ESRRG: variants seen among roughly 807,000 people sequenced by gnomAD.
The protein encoded by ESRRG is estrogen-related receptor gamma.
In ESRRG, 13 loss-of-function variants were observed where a neutral mutation model predicts 44.0. The observed-to-expected ratio is 0.30, with a 90% CI of 0.19 to 0.47. The LOEUF is 0.47. Among genes scored for constraint, ESRRG ranks in the 20% least tolerant of loss-of-function variants. ESRRG has a pLI of 1.00. For missense variants in ESRRG, 395 were observed against 580.6 expected, an observed-to-expected ratio of 0.68 and a Z score of 3.29; for synonymous variants, 215 against 214.6, an observed-to-expected ratio of 1.00 and a Z score of -0.02.
intron 5 of ESRRG, among the ~76,000 whole-genome samples, chr1:216,534,691 G>A (rs2050401113): frequency 6.6e-6 from 1 of 152,058 alleles, no homozygotes; most frequent in South Asian, 2.1e-4. Flanking sequence ...TATCTCTTTT[G>A]GTGAATTAAG....
chr1:216,608,640 C>A (rs999873818), intron 3 of ESRRG, among the ~76,000 whole-genome samples: 3 of 152,160 alleles, frequency 2.0e-5, no homozygotes, highest in African/African-American at 4.8e-5. Context: ...GCCAGTGTTC[C>A]ATTTTTGGCT....
At chr1:216,842,169 A>C (rs1453106612) in intron 2 of ESRRG, among the ~76,000 whole-genome samples, 1 of 152,216 alleles carries the variant, frequency 6.6e-6, no homozygotes, top group South Asian at 2.1e-4. Context: ...TCTTACTCTT[A>C]GGAAATCTTT....
intron 5 of ESRRG, among the ~76,000 whole-genome samples, chr1:216,533,889 C>G (rs1317129082): frequency 6.6e-6 from 1 of 152,026 alleles, no homozygotes; most frequent in Admixed American, 6.6e-5. Context: ...GTAATAAAGG[C>G]CATGTAATTA....
intron 3 of ESRRG, among the ~76,000 whole-genome samples, chr1:216,646,179 T>C (rs2067544295): frequency 6.6e-6 from 1 of 152,104 alleles, no homozygotes; most frequent in African/African-American, 2.4e-5. Flanking sequence ...CTGTTGTCTC[T>C]CTTCATTTGA....
At chr1:216,734,282 C>A (rs2089452916) in intron 2 of ESRRG, among the ~76,000 whole-genome samples, 1 of 152,138 alleles carries the variant, frequency 6.6e-6, no homozygotes, top group African/African-American at 2.4e-5. Context: ...AATGTTCACA[C>A]TCATTGATAT....
intron 1 of ESRRG, among the ~76,000 whole-genome samples, chr1:216,980,910 TC>T (rs143485962): frequency 0.34 from 52,245 of 151,744 alleles, 10,602 homozygotes; most frequent in Non-Finnish European, 0.47. Flanking sequence ...TTTCATATGC[TC>T]TTCTCTCATC....
chr1:216,547,163 A>G (rs1486065645), intron 5 of ESRRG, among the ~76,000 whole-genome samples: 1 of 152,024 alleles, frequency 6.6e-6, no homozygotes, highest in African/African-American at 2.4e-5. Context: ...TAGGTTTAAG[A>G]TTAATTGAGA....
chr1:216,519,419 A>G lies in ESRRG; in HGVS notation c.865T>C (p.Phe289Leu). ...IIGWAKHIPG[F>L]STLSLADQMS... is the part of the protein sequence containing the mutation. The stretch of plus-strand genomic sequence containing the variant: ...TGGTCCGCCAGGGACAGCGTGGAGA[A>G]GCCTGCATGGAAAGATGGGCAGATC... Residue 289 changes from phenylalanine to leucine, a missense_variant and splice_region_variant, in exon 6 of 7, where the codon TTC becomes CTC. By Grantham distance (22) the Phe-to-Leu change is conservative. This residue lies in a region of ESRRG where 167 missense variants were observed against 251.8 expected (regional missense o/e 0.66). Transcript: ENST00000408911. 1 of 1,602,348 alleles carries G rather than the reference A, an allele frequency of 6.2e-7. No homozygotes were observed. The highest frequency in any genetic ancestry group is 8.5e-7 in the Non-Finnish European group (1 of 1,177,878).
chr1:217,033,207 A>T (rs570202834), intron 1 of ESRRG, among the ~76,000 whole-genome samples: 1 of 152,202 alleles, frequency 6.6e-6, no homozygotes, highest in Non-Finnish European at 1.5e-5. Flanking sequence ...AAAGACAAAA[A>T]GTTCTGCTGT....
At chr1:216,680,594 T>G (rs1442701594) in intron 1 of ESRRG, among the ~76,000 whole-genome samples, 1 of 152,238 alleles carries the variant, frequency 6.6e-6, no homozygotes, top group African/African-American at 2.4e-5. Flanking sequence ...TCTGCCCTAC[T>G]GCATCACCCA....
At position 216,796,884 on chromosome 1, in the gene ESRRG, T is replaced by A. The variant is rs190197344; in HGVS notation, c.-13-119393A>T. Reference sequence around the variant, plus strand: ...AAAAATAAACTTCCTTTATTTAATTTATTTATTTATTTATTTTGTCTTTTT... The same window carrying A: ...AAAAATAAACTTCCTTTATTTAATTAATTTATTTATTTATTTTGTCTTTTT... On this transcript the variant is annotated intron_variant, in intron 2 of 7. Coordinates refer to the ESRRG transcript ENST00000359162. Among the ~76,000 whole-genome samples the A allele has an allele frequency of 4.1e-3, 624 of 152,244 alleles. 1 individual carries two copies. The highest frequency in any genetic ancestry group is 0.011 in the African/African-American group (473 of 41,564).
chr1:217,012,551 GCA>G (rs1420289445), intron 1 of ESRRG, among the ~76,000 whole-genome samples: 1 of 152,136 alleles, frequency 6.6e-6, no homozygotes, highest in African/African-American at 2.4e-5. Flanking sequence ...ACTGACACTG[GCA>G]ATTTAGAAAA....
intron 1 of ESRRG, among the ~76,000 whole-genome samples, chr1:217,026,908 C>CAGAGTGAGAG (rs1254896528): frequency 1.1e-5 from 1 of 90,766 alleles, no homozygotes; most frequent in African/African-American, 4.1e-5. Flanking sequence ...CACACACACA[C>CAGAGTGAGAG]ACACAGAGAG....
At chr1:216,721,708 G>A (rs182792997) in intron 1 of ESRRG, among the ~76,000 whole-genome samples, 23 of 152,294 alleles carry the variant, frequency 1.5e-4, no homozygotes, top group African/African-American at 5.1e-4. Context: ...ACAAGAGAAA[G>A]TTCAGAATCT....
At chr1:217,019,427 G>A (rs2079951888) in intron 1 of ESRRG, among the ~76,000 whole-genome samples, 2 of 152,234 alleles carry the variant, frequency 1.3e-5, no homozygotes, top group African/African-American at 4.8e-5. Context: ...TGCTCTACAT[G>A]CCAATGTCTG....
At chr1:217,099,444 A>C (rs2092474198) in intron 1 of ESRRG, among the ~76,000 whole-genome samples, 1 of 152,202 alleles carries the variant, frequency 6.6e-6, no homozygotes, top group Non-Finnish European at 1.5e-5. Context: ...TTTTCTATGT[A>C]ATTATTGTGG....
In ESRRG at chr1:216,754,337, G is replaced by A. The variant is rs534451350; in HGVS notation, c.-13-76846C>T. 1.1e-3 allele frequency among the ~76,000 whole-genome samples: 173 copies of A among 152,106 alleles called. 1 individual carries two copies. Among genetic ancestry groups the A allele is most frequent in the African/African-American group, 4.0e-3 (168 of 41,534 alleles). ...TGTCTCAGGATTAACTTTTACAAAA[G>A]AACAGAAGTATCTCGAACTTTCACT... On this transcript the variant is annotated intron_variant, in intron 2 of 7. Transcript: ENST00000359162.
chr1:216,942,729 T>G (rs1458919601), intron 1 of ESRRG, among the ~76,000 whole-genome samples: 1 of 152,204 alleles, frequency 6.6e-6, no homozygotes, highest in Non-Finnish European at 1.5e-5. Context: ...ATATGTCTGT[T>G]TATGTTCTTA....
chr1:217,085,874 T>G (rs546711560), intron 1 of ESRRG, among the ~76,000 whole-genome samples: 33 of 152,102 alleles, frequency 2.2e-4, no homozygotes, highest in Non-Finnish European at 2.8e-4. Flanking sequence ...AACTTACTTA[T>G]AATTCTTTGC....
Sources: allele counts gnomAD v4.1 joint callset (sites outside exome capture counted in the v4.1 genomes callset), GRCh38; gene constraint gnomAD v4.1.1; regional missense constraint gnomAD v4.1.1; transcripts MANE v1.5; gene names NCBI Gene and HGNC (gene_info 2026-07-23, HGNC 2026-07-21).